The following SORCS1 variants were observed in gnomAD, a reference collection of about 807,000 sequenced individuals.
The protein encoded by SORCS1 is VPS10 domain-containing receptor SorCS1.
A neutral mutation model predicts 146.1 loss-of-function variants in SORCS1; 60 were observed. The observed-to-expected ratio is 0.41, with a 90% CI of 0.33 to 0.51. The LOEUF is 0.51. SORCS1 is among the 20% of genes least tolerant of loss of function. The pLI is 0.21. For missense variants in SORCS1, 1,352 were observed against 1,487.6 expected (o/e 0.91, Z 1.50); for synonymous variants, 637 against 584.0 (o/e 1.09, Z -1.31).
At position 107,152,842 on chromosome 10, in the gene SORCS1, A is replaced by G. The variant is rs181961656; in HGVS notation, c.558+11127T>C. ...ACTGACACTTTTGCCTTTTATTTTCATCTCTTCCTCTCTTTTTATGATTCT... is the reference window on the plus strand; with the variant it reads ...ACTGACACTTTTGCCTTTTATTTTCGTCTCTTCCTCTCTTTTTATGATTCT... On this transcript the variant is annotated intron_variant, in intron 1 of 25. Transcript: ENST00000263054. 3.3e-5 allele frequency among the ~76,000 whole-genome samples: 5 copies of G among 151,866 alleles called. No individual in the cohort carries two copies. In the East Asian group the frequency reaches 9.7e-4, roughly 30 times the overall value.
chr10:107,119,720 G>A (rs1474866397), intron 1 of SORCS1, among the ~76,000 whole-genome samples: 1 of 152,142 alleles, frequency 6.6e-6, no homozygotes, highest in Non-Finnish European at 1.5e-5. Flanking sequence ...CCATGTCATG[G>A]AGCTAAGAAA....
intron 2 of SORCS1, among the ~76,000 whole-genome samples, chr10:106,914,912 C>G (rs1490689283): frequency 6.6e-6 from 1 of 152,162 alleles, no homozygotes; most frequent in Admixed American, 6.5e-5. Context: ...CCCATTGGCT[C>G]CTTGCTCAGT....
chr10:106,609,463 C>T (rs988195309), intron 22 of SORCS1, among the ~76,000 whole-genome samples: 4 of 152,208 alleles, frequency 2.6e-5, no homozygotes, highest in Non-Finnish European at 4.4e-5. Context: ...AGTTGTACCT[C>T]TCATAGGGTT....
At chr10:106,662,666 G>A (rs1341647950) in intron 17 of SORCS1, among the ~76,000 whole-genome samples, 1 of 152,180 alleles carries the variant, frequency 6.6e-6, no homozygotes, top group African/African-American at 2.4e-5. Flanking sequence ...CTATAAGCAT[G>A]CAGGCATTGG....
intron 1 of SORCS1, among the ~76,000 whole-genome samples, chr10:107,121,294 A>G (rs1210342687): frequency 4.6e-5 from 7 of 152,278 alleles, no homozygotes; most frequent in Non-Finnish European, 2.9e-5. Flanking sequence ...ATTTTTGACA[A>G]AACAAAAAGT....
intron 2 of SORCS1, among the ~76,000 whole-genome samples, chr10:106,921,156 T>G (rs17121772): frequency 0.026 from 3,941 of 152,254 alleles, 116 homozygotes; most frequent in South Asian, 0.11. Flanking sequence ...TTCCAGTTTT[T>G]AAAGCCCCAA....
upstream of SORCS1, among the ~76,000 whole-genome samples, chr10:107,166,916 T>C (rs1456458337): frequency 1.3e-5 from 2 of 152,354 alleles, no homozygotes; most frequent in East Asian, 3.9e-4. Flanking sequence ...GTTATTTTGG[T>C]TTCAAAATGG....
At chr10:107,161,567 T>G (rs900314724) in intron 1 of SORCS1, among the ~76,000 whole-genome samples, 1 of 152,114 alleles carries the variant, frequency 6.6e-6, no homozygotes, top group Non-Finnish European at 1.5e-5. Context: ...CTGACCGGCA[T>G]AGCCCCCACT....
At chr10:107,028,985 G>T (rs1489197764) in intron 1 of SORCS1, among the ~76,000 whole-genome samples, 1 of 152,172 alleles carries the variant, frequency 6.6e-6, no homozygotes, top group East Asian at 1.9e-4. Context: ...TATAGGAAAG[G>T]AGTACTCATA....
chr10:107,032,828 A>T (rs950711343), intron 1 of SORCS1, among the ~76,000 whole-genome samples: 1 of 152,148 alleles, frequency 6.6e-6, no homozygotes, highest in Non-Finnish European at 1.5e-5. Flanking sequence ...TGCGCACTTA[A>T]ACTACATGAT....
intron 5 of SORCS1, among the ~76,000 whole-genome samples, chr10:106,751,653 T>C (rs1485341775): frequency 1.3e-5 from 2 of 152,154 alleles, no homozygotes; most frequent in Non-Finnish European, 2.9e-5. Flanking sequence ...TCCTTCAATA[T>C]ATATACTCCA....
intron 1 of SORCS1, among the ~76,000 whole-genome samples, chr10:107,052,319 A>C (rs17121995): frequency 0.011 from 1,623 of 152,278 alleles, 14 homozygotes; most frequent in South Asian, 0.029. Flanking sequence ...ATTTCAAGAT[A>C]TGTCTAATCA....
In SORCS1 at chr10:106,579,110, C is replaced by G. The variant is rs760161192; in HGVS notation, c.3371+259G>C. ...ATTTACCTATGAGCTGGGATTCCACCTTCTCATCTATAAGCTGGCCAGGCC... is the reference window on the plus strand; with the variant it reads ...ATTTACCTATGAGCTGGGATTCCACGTTCTCATCTATAAGCTGGCCAGGCC... On this transcript the variant is annotated intron_variant, in intron 25 of 25. Coordinates refer to ENST00000263054, the MANE Select transcript of SORCS1 (RefSeq NM_052918.5). 3.1e-6 allele frequency: 5 copies of G among 1,613,998 alleles called. No individual in the cohort carries two copies. The South Asian group carries it at 4.4e-5, about 14-fold the overall frequency.
Position 107,002,537 on chromosome 10 carries a change from A to T in SORCS1, c.559-45957T>A, listed in dbSNP as rs546467168. On this transcript the variant is annotated intron_variant, in intron 1 of 25. Transcript: ENST00000263054. ...AATGAAGCAAAAACTATAGCTAATGAGTTCTCATTTCTATAGCTCCCAAAA... is the reference window on the plus strand; with the variant it reads ...AATGAAGCAAAAACTATAGCTAATGTGTTCTCATTTCTATAGCTCCCAAAA... 3.3e-5 allele frequency among the ~76,000 whole-genome samples: 5 copies of T among 152,340 alleles called. No individual in the cohort carries two copies. The South Asian group carries it at 1.0e-3, about 32-fold the overall frequency.
rs10579142 is a variant in SORCS1 at position 106,598,236 on chromosome 10, ATATTATTATTATTAT to A, written c.3166-801_3166-787del. On this transcript the variant is annotated intron_variant, in intron 23 of 25. Transcript: ENST00000263054. ...TTACGGGGATAACAACACTCCTATTATATTATTATTATTATTATTATTATTATTATTATTATTATT... is the reference window on the plus strand; with the variant it reads ...TTACGGGGATAACAACACTCCTATTATATTATTATTATTATTATTATTATT... Among the ~76,000 whole-genome samples, 193 of 140,476 alleles carry A rather than the reference ATATTATTATTATTAT, an allele frequency of 1.4e-3. 1 individual carries two copies. The East Asian group carries it at 0.025, about 18-fold the overall frequency. 92.2% of individuals were successfully genotyped at this position (140,476 alleles called of 152,430 possible).
chr10:106,999,130 T>G (rs555789155), intron 1 of SORCS1, among the ~76,000 whole-genome samples: 10 of 152,202 alleles, frequency 6.6e-5, no homozygotes, highest in Admixed American at 2.6e-4. Flanking sequence ...TTTACGTAAT[T>G]CAGGTTTAAT....
At chr10:107,044,399 C>T (rs1221590289) in intron 1 of SORCS1, among the ~76,000 whole-genome samples, 1 of 147,644 alleles carries the variant, frequency 6.8e-6, no homozygotes, top group African/African-American at 2.5e-5. Flanking sequence ...AGAAAACTCA[C>T]AAATAAATAA....
intron 5 of SORCS1, among the ~76,000 whole-genome samples, chr10:106,756,080 G>C (rs1180441280): frequency 6.6e-6 from 1 of 151,930 alleles, no homozygotes; most frequent in Non-Finnish European, 1.5e-5. Flanking sequence ...AATGAGCTGA[G>C]ATTGCACCAC....
chr10:106,778,283 C>T lies in SORCS1; in HGVS notation c.727-1591G>A, dbSNP rs112982241. Among the ~76,000 whole-genome samples the T allele has an allele frequency of 9.2e-3, 1,402 of 152,190 alleles. 22 individuals carry two copies. Among genetic ancestry groups the T allele is most frequent in the African/African-American group, 0.032 (1,333 of 41,526 alleles). ...TAATGGGGTGAAGGCAATGCTGTTG[C>T]TATCAGCTACACTCCCGACAAGATG... On this transcript the variant is annotated intron_variant, in intron 3 of 25. Coordinates refer to ENST00000263054, the MANE Select transcript of SORCS1 (RefSeq NM_052918.5).
Sources: gnomAD v4.1 joint callset for allele counts (sites outside exome capture counted in the v4.1 genomes callset) on GRCh38, gnomAD v4.1.1 for gene constraint, MANE v1.5 for transcripts, NCBI Gene and HGNC (gene_info 2026-07-23, HGNC 2026-07-21) for gene names.